SDF4: variants seen among roughly 807,000 people sequenced by gnomAD.
The protein encoded by SDF4 is 45 kDa calcium-binding protein.
A neutral mutation model predicts 34.2 loss-of-function variants in SDF4; 22 were observed. The ratio of observed to expected loss-of-function variants is 0.64; its 90% CI spans 0.46 to 0.92. The LOEUF is 0.92. Among genes scored for constraint, SDF4 ranks in the 40% least tolerant of loss-of-function variants. The pLI is 0.00. For synonymous variants in SDF4, 236 were observed against 203.1 expected (o/e 1.16, Z -1.38); for missense variants, 447 against 499.9 (o/e 0.89, Z 1.01).
intron 4 of SDF4, chr1:1,219,526 C>T (rs1241316710): frequency 2.0e-6 from 2 of 991,690 alleles, no homozygotes; most frequent in East Asian, 2.3e-4. Flanking sequence ...CGTGTGACGT[C>T]ACAGGGAGGA....
intron 2 of SDF4, among the ~76,000 whole-genome samples, chr1:1,225,693 CCA>C (rs1299921399): frequency 6.6e-6 from 1 of 151,972 alleles, no homozygotes; most frequent in African/African-American, 2.4e-5. Context: ...TCCACACGCG[CCA>C]CAGACACAGG....
rs1649588613 is a variant in SDF4 at position 1,217,531 on chromosome 1, C to T, written c.1049G>A (p.Ser350Asn). The change falls in exon 7 of 7, where the codon AGC becomes AAC. Residue 350 changes from serine to asparagine, a missense_variant. By Grantham distance (46) the Ser-to-Asn change is conservative. Transcript: ENST00000360001. This position sits in a 1 kb window ranked among gnomAD's most constrained non-coding sequence, Gnocchi z 8.5. ...TGSKLVDYAR[S>N]VHEEF ...GGGCGCTCAAAACTCCTCGTGCACG[C>T]TGCGCGCGTAGTCCACCAGCTTGCT... The T allele has an allele frequency of 6.2e-7, 1 of 1,610,818 alleles. No homozygotes were observed. The highest frequency in any genetic ancestry group is 8.5e-7 in the Non-Finnish European group (1 of 1,178,624).
rs758244494 is a variant in SDF4 at position 1,223,241 on chromosome 1, CA to C, written c.556+2del. 1 of 1,606,684 alleles carries C rather than the reference CA, an allele frequency of 6.2e-7. No homozygotes were observed. Among genetic ancestry groups the C allele is most frequent in the South Asian group, 1.1e-5 (1 of 90,966 alleles). On this transcript the variant is annotated splice_donor_variant, in intron 4 of 6. Coordinates refer to ENST00000360001, the MANE Select transcript of SDF4 (RefSeq NM_016176.6). LOFTEE classifies it high-confidence loss of function. ...GGTGGCGGGAGCCTGGCTGAGCACT[CA>C]CTTTCCTCATCCACTTTGAGTTCCT...
At chr1:1,226,742 T>C (rs1039909340) in intron 2 of SDF4, among the ~76,000 whole-genome samples, 4 of 152,184 alleles carry the variant, frequency 2.6e-5, no homozygotes, top group Non-Finnish European at 5.9e-5. Flanking sequence ...ACGAGACAGC[T>C]TGGGGTTTCG....
At chr1:1,222,524 C>G (rs771555343) in intron 4 of SDF4, among the ~76,000 whole-genome samples, 13 of 152,238 alleles carry the variant, frequency 8.5e-5, no homozygotes, top group Non-Finnish European at 1.9e-4. Flanking sequence ...CACCTGACGG[C>G]CACACAGATG....
chr1:1,220,017 C>A (rs1649827660), intron 4 of SDF4: 7 of 985,788 alleles, frequency 7.1e-6, no homozygotes, highest in Non-Finnish European at 7.2e-6. Context: ...TGCTCCACCG[C>A]AGCTCCTGGG....
At chr1:1,229,833 C>T (rs187257738) in intron 1 of SDF4, among the ~76,000 whole-genome samples, 8 of 152,200 alleles carry the variant, frequency 5.3e-5, no homozygotes, top group Non-Finnish European at 1.0e-4. Flanking sequence ...AGACAGCCAA[C>T]CCTAAGTGCA....
At chr1:1,227,466 T>C (rs796626233) in intron 2 of SDF4, 2 of 116,912 alleles carry the variant, frequency 1.7e-5, no homozygotes, top group Non-Finnish European at 3.6e-5. Flanking sequence ...GGCCAGGCCC[T>C]GCGGGAAGGT....
intron 2 of SDF4, 74 bp from the exon 3 acceptor site, chr1:1,224,042 C>T (rs1650146296): frequency 6.9e-6 from 11 of 1,583,960 alleles, no homozygotes; most frequent in Admixed American, 5.1e-5. Context: ...CGGATGCCGC[C>T]GGCCCAGGAC....
rs1166567895 is a variant in SDF4 at position 1,231,912 on chromosome 1, G to C, written c.-195C>G. 1 of 152,140 alleles carries C rather than the reference G, an allele frequency of 6.6e-6. No homozygotes were observed. The highest frequency in any genetic ancestry group is 1.5e-5 in the Non-Finnish European group (1 of 68,008). The allele number at this position is 152,140 out of a possible 1,614,324, so 9.4% of individuals were successfully genotyped here. Reference sequence around the variant, plus strand: ...CTCACCGGTCTGCCTCCCCGCGCTCGGGATCCGAGGACCGGAGCGAAGCGT... The same window carrying C: ...CTCACCGGTCTGCCTCCCCGCGCTCCGGATCCGAGGACCGGAGCGAAGCGT... On this transcript the variant is annotated 5_prime_UTR_variant, in exon 1 of 7. Transcript: ENST00000360001.
chr1:1,219,551 G>C, intron 4 of SDF4: 1 of 990,666 alleles, frequency 1.0e-6, no homozygotes, highest in South Asian at 4.5e-5. Flanking sequence ...ACAGTTTCTA[G>C]AAATGACTGA....
In SDF4 at chr1:1,223,205, T is replaced by C. The variant is rs753375259; in HGVS notation, c.556+39A>G. The C allele has an allele frequency of 7.2e-6, 10 of 1,388,850 alleles. 1 individual carries two copies. The highest frequency in any genetic ancestry group is 3.6e-4 in the Middle Eastern group (2 of 5,630). 86.0% of individuals were successfully genotyped at this position (1,388,850 alleles called of 1,614,324 possible). A position where few individuals can be genotyped will look rare whatever the true frequency, so the allele number is the denominator to read the frequency against. ...ACAACACACGCGCGCACACACAGGA[T>C]GCCTGAGACCGGTGGCGGGAGCCTG... On this transcript the variant is annotated intron_variant, in intron 4 of 6. Transcript: ENST00000360001.
chr1:1,226,820 G>A (rs965101530), intron 2 of SDF4, among the ~76,000 whole-genome samples: 2 of 152,210 alleles, frequency 1.3e-5, no homozygotes, highest in South Asian at 2.1e-4. Flanking sequence ...AACTCCCCTC[G>A]CCCAGGCGTG....
In SDF4 at chr1:1,223,227, C is replaced by T; in HGVS notation, c.556+17G>A. The stretch of plus-strand genomic sequence containing the variant: ...GGATGCCTGAGACCGGTGGCGGGAG[C>T]CTGGCTGAGCACTCACTTTCCTCAT... On this transcript the variant is annotated intron_variant, in intron 4 of 6. Coordinates refer to ENST00000360001, the MANE Select transcript of SDF4 (RefSeq NM_016176.6). 3 of 1,572,298 alleles carry T rather than the reference C, an allele frequency of 1.9e-6. No homozygotes were observed. The highest frequency in any genetic ancestry group is 2.6e-6 in the Non-Finnish European group (3 of 1,142,106).
chr1:1,228,644 G>C lies in SDF4; in HGVS notation c.129C>G (p.Asn43Lys), dbSNP rs1557522245. Reference protein sequence around the residue: ...NHSSTRERVANREENEILPPD... With the variant: ...NHSSTRERVAKREENEILPPD... ...GGGGCAGGATCTCATTCTCCTCCCT[G>C]TTGGCTACTCTCTCTCGAGTGGACG... The change falls in exon 2 of 7, where the codon AAC becomes AAG. Residue 43 changes from asparagine to lysine, a missense_variant. Coordinates refer to ENST00000360001, the MANE Select transcript of SDF4 (RefSeq NM_016176.6). 1 of 1,613,238 alleles carries C rather than the reference G, an allele frequency of 6.2e-7. No individual in the cohort carries two copies. Among genetic ancestry groups the C allele is most frequent in the East Asian group, 2.2e-5 (1 of 44,882 alleles).
intron 4 of SDF4, chr1:1,219,157 T>C: frequency 7.1e-7 from 1 of 1,406,086 alleles, no homozygotes; most frequent in South Asian, 1.4e-5. Flanking sequence ...CCCAAAGGCA[T>C]AGCTTGGACC....
Position 1,218,643 on chromosome 1 carries a change from G to C in SDF4, c.716-10C>G. On this transcript the variant is annotated splice_polypyrimidine_tract_variant and intron_variant, in intron 5 of 6. Transcript: ENST00000360001. This position sits in a 1 kb window ranked among gnomAD's most constrained non-coding sequence, Gnocchi z 7.9. ...TTGTCACCGTCCTGGTCTGCGAGAC[G>C]GGAATGGGTCAGCCCACACCCAGGC... is the stretch of plus-strand genomic sequence containing the variant. The C allele has an allele frequency of 6.2e-7, 1 of 1,613,634 alleles. No homozygotes were observed. Among genetic ancestry groups the C allele is most frequent in the Non-Finnish European group, 8.5e-7 (1 of 1,179,872 alleles).
chr1:1,222,091 G>A (rs992677324), intron 4 of SDF4, among the ~76,000 whole-genome samples: 1 of 152,248 alleles, frequency 6.6e-6, no homozygotes, highest in East Asian at 1.9e-4. Context: ...GACCAGTCCC[G>A]TGGGCGACAC....
chr1:1,227,793 C>G (rs1334277313), intron 2 of SDF4, among the ~76,000 whole-genome samples: 1 of 152,116 alleles, frequency 6.6e-6, no homozygotes, highest in East Asian at 1.9e-4. Flanking sequence ...AACAGGCTCT[C>G]GAGACTCAGG....
Sources: allele counts gnomAD v4.1 joint callset (sites outside exome capture counted in the v4.1 genomes callset), GRCh38; gene constraint gnomAD v4.1.1; non-coding constraint Gnocchi (gnomAD v3.1); transcripts MANE v1.5; gene names NCBI Gene and HGNC (gene_info 2026-07-23, HGNC 2026-07-21).